Variants in AUTS2 observed in about 807,000 individuals in gnomAD.
The protein encoded by AUTS2 is activator of transcription and developmental regulator AUTS2.
In AUTS2, 17 loss-of-function variants were observed where a neutral mutation model predicts 112.4. That is an observed-to-expected ratio of 0.15 (90% CI 0.10 to 0.23). The LOEUF is 0.23. Among genes scored for constraint, AUTS2 ranks in the 10% least tolerant of loss-of-function variants. The pLI, the probability that AUTS2 is intolerant of heterozygous loss-of-function variation, is 1.00. For missense variants in AUTS2, 1,510 were observed against 1,701.6 expected, an observed-to-expected ratio of 0.89 and a Z score of 1.98; for synonymous variants, 751 against 702.7, an observed-to-expected ratio of 1.07 and a Z score of -1.09.
intron 5 of AUTS2, among the ~76,000 whole-genome samples, chr7:70,468,633 A>G (rs1797258733): frequency 6.6e-6 from 1 of 152,174 alleles, no homozygotes; most frequent in Non-Finnish European, 1.5e-5. Context: ...CGAAATTTTT[A>G]AAGAGAAAGG....
At chr7:70,697,174 T>C (rs1329787022) in intron 5 of AUTS2, among the ~76,000 whole-genome samples, 3 of 152,314 alleles carry the variant, frequency 2.0e-5, no homozygotes, top group East Asian at 1.9e-4. Context: ...GGTACTGTTA[T>C]ATATAGTTTA....
intron 1 of AUTS2, among the ~76,000 whole-genome samples, chr7:69,718,819 A>T (rs1470923170): frequency 2.0e-5 from 3 of 152,206 alleles, no homozygotes; most frequent in Non-Finnish European, 4.4e-5. Context: ...ATGAAATTGT[A>T]TAGTGCCCTC....
intron 2 of AUTS2, among the ~76,000 whole-genome samples, chr7:70,039,644 C>T (rs576311546): frequency 3.9e-5 from 6 of 152,244 alleles, no homozygotes; most frequent in African/African-American, 7.2e-5. Flanking sequence ...TCATTGCACC[C>T]GGCCTGAGCT....
chr7:69,710,447 TCCAC>T (rs1219061518), intron 1 of AUTS2, among the ~76,000 whole-genome samples: 1 of 152,244 alleles, frequency 6.6e-6, no homozygotes, highest in Non-Finnish European at 1.5e-5. Flanking sequence ...TAGACTGGCT[TCCAC>T]CTTGATCTGT....
chr7:70,310,133 C>CTT (rs5884778), intron 4 of AUTS2, among the ~76,000 whole-genome samples: 103 of 139,870 alleles, frequency 7.4e-4, no homozygotes, highest in Non-Finnish European at 8.0e-4. Flanking sequence ...CAAACTAAAT[C>CTT]TTTTTTTTTT....
chr7:70,464,300 G>C (rs1406591878), intron 5 of AUTS2, among the ~76,000 whole-genome samples: 1 of 152,164 alleles, frequency 6.6e-6, no homozygotes, highest in African/African-American at 2.4e-5. Context: ...TAGCCTGCTT[G>C]AGAAAGCAGA....
intron 2 of AUTS2, among the ~76,000 whole-genome samples, chr7:69,996,495 G>A (rs929766160): frequency 6.6e-6 from 1 of 152,144 alleles, no homozygotes; most frequent in African/African-American, 2.4e-5. Flanking sequence ...ATAATTATTA[G>A]TTCTTTATCT....
intron 1 of AUTS2, among the ~76,000 whole-genome samples, chr7:69,816,749 A>G (rs1414126883): frequency 6.6e-6 from 1 of 152,228 alleles, no homozygotes; most frequent in African/African-American, 2.4e-5. Context: ...CAGAGAGGTT[A>G]TGAGTTAGCC....
chr7:70,261,878 T>C (rs1324911505), intron 4 of AUTS2, among the ~76,000 whole-genome samples: 1 of 152,224 alleles, frequency 6.6e-6, no homozygotes, highest in Non-Finnish European at 1.5e-5. Flanking sequence ...TTTTGTTCTC[T>C]AGATTCATGT....
At chr7:70,332,418 TATCA>T (rs1198045899) in intron 4 of AUTS2, among the ~76,000 whole-genome samples, 1 of 152,082 alleles carries the variant, frequency 6.6e-6, no homozygotes, top group African/African-American at 2.4e-5. Flanking sequence ...ATGTTATCCC[TATCA>T]AGCTACCATT....
chr7:69,686,484 G>A (rs1460441287), intron 1 of AUTS2, among the ~76,000 whole-genome samples: 3 of 152,048 alleles, frequency 2.0e-5, no homozygotes, highest in African/African-American at 7.2e-5. Flanking sequence ...CTGGGTTTAG[G>A]GACCTCAAGA....
intron 4 of AUTS2, among the ~76,000 whole-genome samples, chr7:70,422,896 A>G (rs1235085000): frequency 6.6e-6 from 1 of 151,836 alleles, no homozygotes; most frequent in Non-Finnish European, 1.5e-5. Context: ...TCACTCAGAC[A>G]CTCTCCATGC....
At chr7:69,750,215 GA>G (rs1287000513) in intron 1 of AUTS2, among the ~76,000 whole-genome samples, 1 of 151,930 alleles carries the variant, frequency 6.6e-6, no homozygotes, top group Non-Finnish European at 1.5e-5. Context: ...TTAGGAACTG[GA>G]AAAAGGCAAA....
At chr7:69,982,369 T>C (rs1011314400) in intron 2 of AUTS2, among the ~76,000 whole-genome samples, 3 of 152,124 alleles carry the variant, frequency 2.0e-5, no homozygotes, top group Non-Finnish European at 2.9e-5. Context: ...CTTTCTCTGG[T>C]GTAGAATTTG....
chr7:70,244,302 T>C (rs965452851), intron 4 of AUTS2, among the ~76,000 whole-genome samples: 6 of 152,216 alleles, frequency 3.9e-5, no homozygotes, highest in African/African-American at 1.4e-4. Context: ...TGAATATACT[T>C]TACTATTATT....
chr7:69,609,110 C>T (rs1442032439), intron 1 of AUTS2, among the ~76,000 whole-genome samples: 1 of 152,172 alleles, frequency 6.6e-6, no homozygotes, highest in East Asian at 1.9e-4. Context: ...CAACAGCCCA[C>T]AGGGGTTAAT....
chr7:70,056,925 TC>T (rs1223384598), intron 2 of AUTS2, among the ~76,000 whole-genome samples: 2 of 152,256 alleles, frequency 1.3e-5, no homozygotes, highest in Non-Finnish European at 2.9e-5. Flanking sequence ...GTTCCTACAT[TC>T]TAGGTTCCTA....
At chr7:69,916,400 A>T (rs1795580875) in intron 2 of AUTS2, among the ~76,000 whole-genome samples, 2 of 152,218 alleles carry the variant, frequency 1.3e-5, no homozygotes, top group Non-Finnish European at 2.9e-5. Flanking sequence ...AGTGGAAGTT[A>T]CATTCTCTTC....
chr7:70,621,920 C>T (rs748974887), intron 5 of AUTS2, among the ~76,000 whole-genome samples: 1 of 137,766 alleles, frequency 7.3e-6, no homozygotes, highest in African/African-American at 2.7e-5. Flanking sequence ...AATCTCAGCT[C>T]ACTGCAACTT....
Sources: gnomAD v4.1 joint callset for allele counts (sites outside exome capture counted in the v4.1 genomes callset) on GRCh38, gnomAD v4.1.1 for gene constraint, MANE v1.5 for transcripts, NCBI Gene and HGNC (gene_info 2026-07-23, HGNC 2026-07-21) for gene names.